Variants in GLRA2 observed in about 807,000 individuals in gnomAD.
The protein encoded by GLRA2 is glycine receptor alpha 2.
Under a neutral mutation model 31.6 loss-of-function variants are expected in GLRA2, and 11 were observed. The observed-to-expected ratio is 0.35, with a 90% CI of 0.22 to 0.58. The LOEUF (loss-of-function observed/expected upper bound fraction) is 0.58, where lower values mean the gene tolerates loss of function less well. GLRA2 is among the 20% of genes least tolerant of loss of function. GLRA2 has a pLI of 0.84. For missense variants in GLRA2, 212 were observed against 351.8 expected (o/e 0.60, Z 3.18); for synonymous variants, 132 against 134.0 (o/e 0.99, Z 0.10).
chrX:14,566,428 T>G (rs1235385005), intron 2 of GLRA2, among the ~76,000 whole-genome samples: 1 of 111,983 alleles, frequency 8.9e-6, no homozygotes, highest in Admixed American at 9.4e-5. Context: ...AGGAAACACT[T>G]GTTAACTCAT....
At chrX:14,494,660 G>A in the GLRA2 span, among the ~76,000 whole-genome samples, 7 of 111,317 alleles carry the variant, frequency 6.3e-5, no homozygotes, top group Non-Finnish European at 5.7e-5. Context: ...TGGAAAACTG[G>A]GAAAGTCCTG....
chrX:14,684,295 G>C (rs182472170), intron 7 of GLRA2, among the ~76,000 whole-genome samples: 212 of 111,469 alleles, frequency 1.9e-3, no homozygotes, highest in Non-Finnish European at 3.0e-3. Flanking sequence ...ACTTGGCGAT[G>C]CAGGCTCTTT....
At chrX:14,634,495 A>C (rs2090687056) in intron 7 of GLRA2, among the ~76,000 whole-genome samples, 1 of 111,615 alleles carries the variant, frequency 9.0e-6, no homozygotes, top group Non-Finnish European at 1.9e-5. Context: ...TTGGTCTTTT[A>C]TTTTATTCTG....
At chrX:14,621,361 A>T (rs952542440) in intron 7 of GLRA2, among the ~76,000 whole-genome samples, 2 of 109,197 alleles carry the variant, frequency 1.8e-5, no homozygotes, top group Non-Finnish European at 3.8e-5. Context: ...TGTTCTGATT[A>T]TTTGTTCTTT....
At chrX:14,718,699 C>T (rs896598137) in intron 8 of GLRA2, among the ~76,000 whole-genome samples, 3 of 111,976 alleles carry the variant, frequency 2.7e-5, no homozygotes, top group Non-Finnish European at 5.6e-5. Flanking sequence ...ATCAGAGTGC[C>T]TACACATAGT....
At chrX:14,530,939 A>C in intron 1 of GLRA2, 1 of 864,085 alleles carries the variant, frequency 1.2e-6, no homozygotes, top group Non-Finnish European at 1.4e-6. Flanking sequence ...TCTAAATTTA[A>C]TTTTCATTAA....
chrX:14,538,307 G>T (rs2089354157), intron 2 of GLRA2, among the ~76,000 whole-genome samples: 1 of 111,297 alleles, frequency 9.0e-6, no homozygotes, highest in Non-Finnish European at 1.9e-5. Context: ...AGGATCAAAT[G>T]ATATCATGAG....
chrX:14,598,158 C>T (rs1001035772), intron 4 of GLRA2, among the ~76,000 whole-genome samples: 1 of 111,587 alleles, frequency 9.0e-6, no homozygotes, highest in Admixed American at 9.5e-5. Context: ...CTCTCTTGTT[C>T]GTCCTGAAAG....
chrX:14,628,565 T>G (rs2090612554), intron 7 of GLRA2, among the ~76,000 whole-genome samples: 2 of 111,748 alleles, frequency 1.8e-5, no homozygotes, highest in Non-Finnish European at 3.8e-5. Flanking sequence ...CATGAGAACA[T>G]GTAAGAAGGA....
At chrX:14,672,055 T>G (rs2091099031) in intron 7 of GLRA2, among the ~76,000 whole-genome samples, 1 of 112,074 alleles carries the variant, frequency 8.9e-6, no homozygotes, top group African/African-American at 3.2e-5. Flanking sequence ...GCAGAACCCT[T>G]GAAAATTATC....
intron 7 of GLRA2, among the ~76,000 whole-genome samples, chrX:14,686,984 T>G (rs1484647224): frequency 8.9e-6 from 1 of 112,113 alleles, no homozygotes; most frequent in Non-Finnish European, 1.9e-5. Context: ...CAGGAGCTCT[T>G]TTAGGGCAGG....
the GLRA2 span, among the ~76,000 whole-genome samples, chrX:14,466,031 C>A: frequency 8.9e-6 from 1 of 111,782 alleles, no homozygotes; most frequent in South Asian, 3.7e-4. Context: ...TTGTTTTATT[C>A]CAGACTTTAT....
At chrX:14,562,204 A>G (rs1298831402) in intron 2 of GLRA2, among the ~76,000 whole-genome samples, 1 of 112,426 alleles carries the variant, frequency 8.9e-6, no homozygotes, top group East Asian at 2.8e-4. Flanking sequence ...AAGAGTAGAA[A>G]CTGTCAGAAC....
chrX:14,522,031 C>A, the GLRA2 span, among the ~76,000 whole-genome samples: 1 of 111,361 alleles, frequency 9.0e-6, no homozygotes, highest in Non-Finnish European at 1.9e-5. Context: ...CCACATAGAT[C>A]GACTCCTCTT....
chrX:14,590,313 A>G (rs983241372), intron 4 of GLRA2, among the ~76,000 whole-genome samples: 6 of 110,814 alleles, frequency 5.4e-5, no homozygotes, highest in Non-Finnish European at 1.1e-4. Flanking sequence ...CACTGAGAGT[A>G]GGTATAGTGC....
intron 4 of GLRA2, among the ~76,000 whole-genome samples, chrX:14,588,294 A>C (rs2090104498): frequency 8.9e-6 from 1 of 111,865 alleles, no homozygotes; most frequent in Non-Finnish European, 1.9e-5. Context: ...GTGGTAGTCC[A>C]GTTTCATTCT....
intron 4 of GLRA2, among the ~76,000 whole-genome samples, chrX:14,594,555 G>A (rs995124482): frequency 9.0e-6 from 1 of 111,627 alleles, no homozygotes; most frequent in Non-Finnish European, 1.9e-5. Context: ...CTCTGATGGT[G>A]TTCAATTTAT....
intron 8 of GLRA2, 104 bp downstream of exon 8, chrX:14,690,963 A>C (rs2091344856): frequency 1.1e-6 from 1 of 894,312 alleles, no homozygotes; most frequent in Non-Finnish European, 1.6e-6. Context: ...AGCCAAGGTT[A>C]ATTTTTGTTC....
At chrX:14,582,140 C>T (rs966005742) in intron 4 of GLRA2, among the ~76,000 whole-genome samples, 22 of 102,964 alleles carry the variant, frequency 2.1e-4, no homozygotes, top group Non-Finnish European at 4.0e-4. Context: ...CATATGTATA[C>T]ATGTGCCATG....
Sources: gnomAD v4.1 joint callset for allele counts (sites outside exome capture counted in the v4.1 genomes callset) on GRCh38, gnomAD v4.1.1 for gene constraint, MANE v1.5 for transcripts, NCBI Gene and HGNC (gene_info 2026-07-23, HGNC 2026-07-21) for gene names.